Variants in PKD1 observed in about 807,000 individuals in gnomAD.
PKD1 encodes the protein polycystin-1.
PKD1 carries 81 observed loss-of-function variants against 361.7 expected under a neutral mutation model. The observed-to-expected ratio is 0.22, with a 90% CI of 0.19 to 0.27. The LOEUF is 0.27. PKD1 is among the 10% of genes least tolerant of loss of function. The pLI, the probability that PKD1 is intolerant of heterozygous loss-of-function variation, is 1.00. For missense variants in PKD1, 6,399 were observed against 6,118.3 expected (o/e 1.05, Z -1.53); for synonymous variants, 3,615 against 2,818.3 (o/e 1.28, Z -8.95).
At position 2,102,489 on chromosome 16, in the gene PKD1, C is replaced by G; in HGVS notation, c.9093G>C (p.Leu3031=). The G allele has an allele frequency of 6.3e-7, 1 of 1,576,112 alleles. No individual in the cohort carries two copies. Among genetic ancestry groups the G allele is most frequent in the Non-Finnish European group, 8.6e-7 (1 of 1,162,896 alleles). The change falls in exon 25 of 46, where the codon CTG becomes CTC. Residue 3031 remains leucine (L), a synonymous_variant. Transcript: ENST00000262304. ...EDMVWRTEGL[L]PLEETSPRQA... ...GGCGGGGCGAGGTCTCCTCCAGGGGCAGCAGCCCCTCTGTCCGCCACACCA... is the reference window on the plus strand; with the variant it reads ...GGCGGGGCGAGGTCTCCTCCAGGGGGAGCAGCCCCTCTGTCCGCCACACCA...
At chr16:2,113,050 T>C (rs2092559881) in intron 12 of PKD1, 87 bp from the exon 13 acceptor site, 1 of 1,402,948 alleles carries the variant, frequency 7.1e-7, no homozygotes, top group Non-Finnish European at 9.9e-7. Flanking sequence ...CCCACAGCCA[T>C]GGCAGCGTCC....
At position 2,091,447 on chromosome 16, in the gene PKD1, G is replaced by A. The variant is rs547262346; in HGVS notation, c.11688C>T (p.Gly3896=). The change falls in exon 42 of 46, where the codon GGC becomes GGT. Residue 3896 remains glycine (G), a synonymous_variant. Transcript: ENST00000262304. Reference sequence around the variant, plus strand: ...CCGAGGTGAGCAGAGGCAGCGAGAGGCCCGCGCTGAGGCGGCGCAGCGCAA... The same window carrying A: ...CCGAGGTGAGCAGAGGCAGCGAGAGACCCGCGCTGAGGCGGCGCAGCGCAA... The part of the protein sequence containing the change: ...RPFALRRLSA[G]LSLPLLTSVC... The A allele has an allele frequency of 1.8e-4, 225 of 1,218,172 alleles. 1 individual carries two copies. The Admixed American group carries it at 1.9e-3, about 10-fold the overall frequency. 75.5% of individuals were successfully genotyped at this position (1,218,172 alleles called of 1,614,324 possible).
chr16:2,092,506 C>G lies in PKD1; in HGVS notation c.11243G>C (p.Arg3748Pro), dbSNP rs546924823. The stretch of plus-strand genomic sequence containing the variant: ...TTCCTGCAGCCGCACCTGCCGCAGC[C>G]GTGGGGGCCCCAGCTCTGGGCTGGA... ...NQSSPELGPPRLRQVRLQEAL... is the reference protein window; with the variant it reads ...NQSSPELGPPPLRQVRLQEAL... Residue 3748 changes from arginine (R) to proline (P), a missense_variant, in exon 39 of 46, where the codon CGG (arginine) becomes CCG (proline). Transcript: ENST00000262304. 6.2e-7 allele frequency: 1 copy of G among 1,611,710 alleles called. No individual in the cohort carries two copies. The highest frequency in any genetic ancestry group is 1.3e-5 in the African/African-American group (1 of 74,912).
chr16:2,093,738 C>G lies in PKD1; in HGVS notation c.10822G>C (p.Val3608Leu), dbSNP rs2091715477. The G allele has an allele frequency of 2.5e-6, 4 of 1,580,560 alleles. No homozygotes were observed. The East Asian group carries it at 9.3e-5, about 37-fold the overall frequency. ...GAGAAGTACAGGGCTTCCAGCAAGA[C>G]CTGGGGAGGGGGTGGCTTCAGAGGG... ...ASFLGWEPLKVLLEALYFSLV... is the reference protein window; with the variant it reads ...ASFLGWEPLKLLLEALYFSLV... The change falls in exon 37 of 46, where the codon GTC becomes CTC. Residue 3608 changes from valine to leucine, a missense_variant and splice_region_variant. By Grantham distance (32) the Val-to-Leu change is conservative. Coordinates refer to ENST00000262304, the MANE Select transcript of PKD1 (RefSeq NM_001009944.3).
chr16:2,101,681 G>A (rs1247568886), intron 26 of PKD1, among the ~76,000 whole-genome samples: 3 of 152,264 alleles, frequency 2.0e-5, no homozygotes, highest in Admixed American at 1.3e-4. Context: ...AAAGGAAAAT[G>A]GAGGTACTGA....
chr16:2,093,753 G>A lies in PKD1; in HGVS notation c.10822-15C>T. Reference sequence around the variant, plus strand: ...TCCAGCAAGACCTGGGGAGGGGGTGGCTTCAGAGGGGTCCCCCGTGATGGA... The same window carrying A: ...TCCAGCAAGACCTGGGGAGGGGGTGACTTCAGAGGGGTCCCCCGTGATGGA... On this transcript the variant is annotated splice_polypyrimidine_tract_variant and intron_variant, in intron 36 of 45. Transcript: ENST00000262304. 1 of 1,570,922 alleles carries A rather than the reference G, an allele frequency of 6.4e-7. No individual in the cohort carries two copies. The highest frequency in any genetic ancestry group is 8.6e-7 in the Non-Finnish European group (1 of 1,158,414).
intron 15 of PKD1, 74 bp downstream of exon 15, chr16:2,108,178 C>T (rs1198672499): frequency 6.7e-7 from 1 of 1,498,332 alleles, no homozygotes; most frequent in Non-Finnish European, 9.2e-7. Flanking sequence ...GCCCTGGTGG[C>T]AAGCTGGGTG....
chr16:2,092,423 G>A lies in PKD1; in HGVS notation c.11269+57C>T, dbSNP rs561560184. 2.4e-6 allele frequency: 3 copies of A among 1,246,708 alleles called. No homozygotes were observed. The African/African-American group carries it at 4.4e-5, about 18-fold the overall frequency. The allele number at this position is 1,246,708 out of a possible 1,614,324, so 77.2% of individuals were successfully genotyped here. ...GGCTGATGCCAGAGCTCCGCTAAAG[G>A]CTGCTCTCTCAACAAGAGGAACGAT... On this transcript the variant is annotated intron_variant, in intron 39 of 45. Transcript: ENST00000262304.
At position 2,091,140 on chromosome 16, in the gene PKD1, A is replaced by C; in HGVS notation, c.11747T>G (p.Val3916Gly). The stretch of plus-strand genomic sequence containing the variant: ...CCTGTGCCAAGTACGGGCCTCGGCC[A>C]CGGCGAAGTGCACGGCGAACAGCAG... ...CLLLFAVHFA[V>G]AEARTWHREG... Residue 3916 changes from valine (V) to glycine (G), a missense_variant, in exon 43 of 46, where the codon GTG becomes GGG. Coordinates refer to ENST00000262304, the MANE Select transcript of PKD1 (RefSeq NM_001009944.3). The C allele has an allele frequency of 6.8e-7, 1 of 1,481,182 alleles. No individual in the cohort carries two copies. Among genetic ancestry groups the C allele is most frequent in the South Asian group, 1.3e-5 (1 of 79,378 alleles). 91.8% of individuals were successfully genotyped at this position (1,481,182 alleles called of 1,614,324 possible).
At position 2,111,290 on chromosome 16, in the gene PKD1, C is replaced by G. The variant is rs774353552; in HGVS notation, c.3877G>C (p.Val1293Leu). 2.5e-6 allele frequency: 4 copies of G among 1,609,378 alleles called. No individual in the cohort carries two copies. Among genetic ancestry groups the G allele is most frequent in the East Asian group, 2.2e-5 (1 of 44,856 alleles). The change falls in exon 15 of 46, where the codon GTC becomes CTC. Residue 1293 changes from valine to leucine, a missense_variant. By Grantham distance (32) the Val-to-Leu change is conservative. Transcript: ENST00000262304. ...GGTTCAACGCGCAGCACCTCCAGGACGAAGACCAGCACGTGCAGGCTCCGG... is the reference window on the plus strand; with the variant it reads ...GGTTCAACGCGCAGCACCTCCAGGAGGAAGACCAGCACGTGCAGGCTCCGG... Reference protein sequence around the residue: ...LARSLHVLVFVLEVLRVEPAA... With the variant: ...LARSLHVLVFLLEVLRVEPAA...
chr16:2,093,355 C>T lies in PKD1; in HGVS notation c.11016+189G>A, dbSNP rs529458637. 3.6e-5 allele frequency: 25 copies of T among 692,070 alleles called. No homozygotes were observed. The South Asian group carries it at 4.4e-4, about 12-fold the overall frequency. The allele number at this position is 692,070 out of a possible 1,614,324, so 42.9% of individuals were successfully genotyped here. On this transcript the variant is annotated intron_variant, in intron 37 of 45. Transcript: ENST00000262304. ...CAGGAGTGGGCATTGGAGCTGGGCC[C>T]TGGCAGGGACTGGGGCAGCAAGTGG...
intron 21 of PKD1, among the ~76,000 whole-genome samples, chr16:2,105,017 G>A (rs1175510611): frequency 9.0e-6 from 1 of 110,512 alleles, no homozygotes; most frequent in African/African-American, 3.5e-5. Context: ...GAGGGGAGGG[G>A]CTAGGGGAGG....
At chr16:2,091,670 G>C in intron 41 of PKD1, 73 bp from the exon 42 acceptor site, 2 of 1,559,882 alleles carry the variant, frequency 1.3e-6, no homozygotes, top group Non-Finnish European at 1.7e-6. Flanking sequence ...GTGCAGGCGT[G>C]GCTGAGGGGC....
intron 37 of PKD1, 78 bp downstream of exon 37, chr16:2,093,466 G>C: frequency 7.5e-7 from 1 of 1,329,890 alleles, no homozygotes; most frequent in South Asian, 1.3e-5. Flanking sequence ...AGGGGGACAG[G>C]AGTGTCCTGC....
chr16:2,122,414 T>C (rs1176732426), intron 1 of PKD1, among the ~76,000 whole-genome samples: 1 of 152,172 alleles, frequency 6.6e-6, no homozygotes, highest in Non-Finnish European at 1.5e-5. Flanking sequence ...GGGCCACCAC[T>C]TCCCCCCTAA....
Position 2,097,180 on chromosome 16 carries a change from G to A in PKD1, c.10467C>T (p.Asp3489=), listed in dbSNP as rs763857434. The part of the protein sequence containing the change: ...EGVSSPAPTQ[D]THMETDLLSS... ...TGAGCAGGTCCGTTTCCATGTGGGT[G>A]TCTTGGGTAGGGGCTGGGCTGCTGA... The change falls in exon 34 of 46, where the codon GAC becomes GAT. Residue 3489 remains aspartate (D), a synonymous_variant. Coordinates refer to ENST00000262304, the MANE Select transcript of PKD1 (RefSeq NM_001009944.3). The A allele has an allele frequency of 3.9e-6, 6 of 1,557,428 alleles. No homozygotes were observed. In the Admixed American group the frequency reaches 7.7e-5, roughly 20 times the overall value.
intron 1 of PKD1, among the ~76,000 whole-genome samples, chr16:2,131,216 T>C (rs2092874185): frequency 6.6e-6 from 1 of 151,954 alleles, no homozygotes; most frequent in Admixed American, 6.6e-5. Context: ...CTCCTAGACA[T>C]CATCGGACAT....
chr16:2,097,933 C>G lies in PKD1; in HGVS notation c.10102G>C (p.Asp3368His). The G allele has an allele frequency of 6.2e-7, 1 of 1,603,350 alleles. No homozygotes were observed. Reference protein sequence around the residue: ...TPAGQQVLDIDSCLDSSVLDS... With the variant: ...TPAGQQVLDIHSCLDSSVLDS... The stretch of plus-strand genomic sequence containing the variant: ...AGCACGGACGAGTCCAGGCAGCTGT[C>G]GATGTCCAGCACCTGCTGCCCGGCA... Residue 3368 changes from aspartate (D) to histidine (H), a missense_variant, in exon 31 of 46, where the codon GAC (aspartate) becomes CAC (histidine). Coordinates refer to ENST00000262304, the MANE Select transcript of PKD1 (RefSeq NM_001009944.3).
intron 42 of PKD1, 24 bp downstream of exon 42, chr16:2,091,399 G>T: frequency 9.0e-7 from 1 of 1,113,936 alleles, no homozygotes; most frequent in Non-Finnish European, 1.1e-6. Context: ...GGGAGGCGCG[G>T]GGTCTGGCCG....
Sources: allele counts gnomAD v4.1 joint callset (sites outside exome capture counted in the v4.1 genomes callset), GRCh38; gene constraint gnomAD v4.1.1; transcripts MANE v1.5; gene names NCBI Gene and HGNC (gene_info 2026-07-23, HGNC 2026-07-21).